PLAT: variants seen among roughly 807,000 people sequenced by gnomAD.
PLAT encodes the protein tissue-type plasminogen activator.
Under a neutral mutation model 74.9 loss-of-function variants are expected in PLAT, and 48 were observed. That is an observed-to-expected ratio of 0.64 (90% CI 0.51 to 0.82). The LOEUF is 0.82. PLAT is among the 40% of genes least tolerant of loss of function. The pLI is 0.00. For missense variants in PLAT, 673 were observed against 736.2 expected (o/e 0.91, Z 0.99); for synonymous variants, 307 against 294.4 (o/e 1.04, Z -0.44).
In PLAT at chr8:42,187,904, A is replaced by G; in HGVS notation, c.364+2T>C. The G allele has an allele frequency of 2.6e-6, 4 of 1,567,772 alleles. No homozygotes were observed. Among genetic ancestry groups the G allele is most frequent in the Non-Finnish European group, 3.5e-6 (4 of 1,137,838 alleles). ...TCGTTTCACGTGCTCTCACCTACTC[A>G]CCTATTTCACAGCACTTCCCAGCAA... On this transcript the variant is annotated splice_donor_variant, in intron 5 of 13. Transcript: ENST00000220809. LOFTEE classifies it high-confidence loss of function.
intron 7 of PLAT, 98 bp downstream of exon 7, chr8:42,184,983 C>A: frequency 1.4e-6 from 1 of 738,800 alleles, no homozygotes; most frequent in East Asian, 2.8e-5. Context: ...CCTGGCCTCC[C>A]CCTTTCTCCC....
At chr8:42,203,992 T>TATATATATACACAC (rs1554499838) in intron 1 of PLAT, among the ~76,000 whole-genome samples, 14 of 109,892 alleles carry the variant, frequency 1.3e-4, no homozygotes, top group African/African-American at 6.7e-4. Flanking sequence ...TATATATATA[T>TATATATATACACAC]ACACACACAC....
intron 1 of PLAT, among the ~76,000 whole-genome samples, chr8:42,199,849 A>T (rs1806059449): frequency 6.6e-6 from 1 of 152,248 alleles, no homozygotes; most frequent in Admixed American, 6.5e-5. Flanking sequence ...TCTAAAGTGA[A>T]TCGAAATGAA....
intron 1 of PLAT, among the ~76,000 whole-genome samples, chr8:42,195,398 G>T (rs1161183139): frequency 1.3e-5 from 2 of 152,172 alleles, no homozygotes; most frequent in African/African-American, 2.4e-5. Flanking sequence ...AGGGAGGCTC[G>T]CCAGCGTGGC....
chr8:42,203,990 T>TACACACACAC (rs1476463301), intron 1 of PLAT, among the ~76,000 whole-genome samples: 10 of 121,116 alleles, frequency 8.3e-5, no homozygotes, highest in African/African-American at 4.4e-4. Flanking sequence ...TATATATATA[T>TACACACACAC]ATACACACAC....
chr8:42,203,992 TACACACACACACAC>T (rs775189467), intron 1 of PLAT, among the ~76,000 whole-genome samples: 165 of 109,668 alleles, frequency 1.5e-3, no homozygotes, highest in Middle Eastern at 8.0e-3. Context: ...TATATATATA[TACACACACACACAC>T]ACACACACAC....
chr8:42,203,988 T>TACACACACAC (rs1208295801), intron 1 of PLAT, among the ~76,000 whole-genome samples: 227 of 123,236 alleles, frequency 1.8e-3, no homozygotes, highest in African/African-American at 9.6e-3. Context: ...TATATATATA[T>TACACACACAC]ATATACACAC....
intron 1 of PLAT, among the ~76,000 whole-genome samples, chr8:42,203,044 G>A (rs1806195874): frequency 6.6e-6 from 1 of 152,160 alleles, no homozygotes; most frequent in African/African-American, 2.4e-5. Flanking sequence ...GAGGACGTGT[G>A]CTTTGGAATC....
chr8:42,191,081 G>T (rs2515655), intron 3 of PLAT, among the ~76,000 whole-genome samples: 1 of 151,830 alleles, frequency 6.6e-6, no homozygotes, highest in African/African-American at 2.4e-5. Context: ...AGGACCTTGG[G>T]CCAGTGGCCG....
chr8:42,182,025 A>C lies in PLAT; in HGVS notation c.804-3T>G, dbSNP rs781612107. 6.3e-7 allele frequency: 1 copy of C among 1,575,846 alleles called. No individual in the cohort carries two copies. The highest frequency in any genetic ancestry group is 8.7e-7 in the Non-Finnish European group (1 of 1,145,018). ...GCTTGGCATCCCCATCAGGATTCCT[A>C]AATGATAAGAGAGTTTAAGGTTTCC... is the stretch of plus-strand genomic sequence containing the variant. On this transcript the variant is annotated splice_polypyrimidine_tract_variant and splice_region_variant and intron_variant, in intron 8 of 13. Transcript: ENST00000220809.
intron 1 of PLAT, among the ~76,000 whole-genome samples, chr8:42,194,241 A>AGAGTGTGTGT (rs1419569830): frequency 9.5e-5 from 5 of 52,578 alleles, no homozygotes; most frequent in East Asian, 1.6e-3. Flanking sequence ...AGAGAGAGAG[A>AGAGTGTGTGT]GTGTGTGTGT....
At chr8:42,176,296 T>G in intron 13 of PLAT, 145 bp from the exon 14 acceptor site, 1 of 653,504 alleles carries the variant, frequency 1.5e-6, no homozygotes, top group Non-Finnish European at 2.6e-6. Context: ...ATTATAACTT[T>G]GATGAGGAAA....
At chr8:42,202,344 C>T (rs1806164267) in intron 1 of PLAT, among the ~76,000 whole-genome samples, 3 of 152,068 alleles carry the variant, frequency 2.0e-5, no homozygotes, top group Admixed American at 2.0e-4. Context: ...TCTGTTAGCT[C>T]ATCCATACTG....
chr8:42,180,861 C>T (rs549791516), intron 9 of PLAT, 176 bp from the exon 10 acceptor site: 4 of 548,416 alleles, frequency 7.3e-6, no homozygotes, highest in Non-Finnish European at 1.3e-5. Flanking sequence ...TTTCAGGAGG[C>T]GGAGACGTTT....
At position 42,200,710 on chromosome 8, in the gene PLAT, G is replaced by A. The variant is rs950648600; in HGVS notation, c.-27+6784C>T. Among the ~76,000 whole-genome samples, 12 of 149,676 alleles carry A rather than the reference G, an allele frequency of 8.0e-5. No homozygotes were observed. The South Asian group carries it at 1.3e-3, about 16-fold the overall frequency. On this transcript the variant is annotated intron_variant, in intron 1 of 13. Transcript: ENST00000220809. The stretch of plus-strand genomic sequence containing the variant: ...AAAAAAAAAGTATAAGCGTCGTGCT[G>A]TACGGTGACACATCTTGTGAGAGTT...
intron 1 of PLAT, among the ~76,000 whole-genome samples, chr8:42,194,025 CT>C (rs1805794662): frequency 3.3e-5 from 4 of 121,370 alleles, no homozygotes; most frequent in Non-Finnish European, 3.5e-5. Context: ...GCCTTTTTTT[CT>C]TTTTCCTTTC....
At chr8:42,189,470 A>G (rs1167531103) in intron 3 of PLAT, among the ~76,000 whole-genome samples, 1 of 151,040 alleles carries the variant, frequency 6.6e-6, no homozygotes, top group East Asian at 2.0e-4. Context: ...GTGAGCCGAG[A>G]TTGTACCACT....
At chr8:42,199,706 C>G (rs1381369611) in intron 1 of PLAT, among the ~76,000 whole-genome samples, 3 of 152,186 alleles carry the variant, frequency 2.0e-5, no homozygotes, top group Non-Finnish European at 4.4e-5. Flanking sequence ...CTCCCACAAT[C>G]AAAACAGAAG....
In PLAT at chr8:42,182,820, G is replaced by A. The variant is rs1805303096; in HGVS notation, c.702C>T (p.Ala234=). 6.2e-7 allele frequency: 1 copy of A among 1,613,802 alleles called. No individual in the cohort carries two copies. The highest frequency in any genetic ancestry group is 8.5e-7 in the Non-Finnish European group (1 of 1,179,696). Residue 234 remains alanine, a synonymous_variant, in exon 8 of 14, where the codon GCC becomes GCT. Transcript: ENST00000220809. The stretch of plus-strand genomic sequence containing the variant: ...TCATGGAATTCCACGGGAGGCAGGA[G>A]GCACCCGACTCGGTGAGGCTGTGCG... The part of the protein sequence containing the change: ...RGTHSLTESG[A]SCLPWNSMIL...
Sources: gnomAD v4.1 joint callset for allele counts (sites outside exome capture counted in the v4.1 genomes callset) on GRCh38, gnomAD v4.1.1 for gene constraint, MANE v1.5 for transcripts, NCBI Gene and HGNC (gene_info 2026-07-23, HGNC 2026-07-21) for gene names.